Variants in ARHGEF10L observed in about 807,000 individuals in gnomAD.
ARHGEF10L encodes the protein rho guanine nucleotide exchange factor 10-like protein.
Under a neutral mutation model 141.2 loss-of-function variants are expected in ARHGEF10L, and 69 were observed. The observed-to-expected ratio is 0.49, with a 90% CI of 0.40 to 0.60. ARHGEF10L has a LOEUF of 0.60. ARHGEF10L is among the 20% of genes least tolerant of loss of function. The probability of loss-of-function intolerance (pLI) is 0.00; values close to 1 mark genes in which losing one functional copy is unlikely to be tolerated. For synonymous variants in ARHGEF10L, 711 were observed against 718.5 expected, an observed-to-expected ratio of 0.99 and a Z score of 0.17; for missense variants, 1,482 against 1,734.3, an observed-to-expected ratio of 0.85 and a Z score of 2.58.
At chr1:17,566,670 A>G (rs1336063258) in intron 1 of ARHGEF10L, among the ~76,000 whole-genome samples, 1 of 152,192 alleles carries the variant, frequency 6.6e-6, no homozygotes, top group African/African-American at 2.4e-5. Flanking sequence ...GGCCACATGG[A>G]GTATGCAGGG....
chr1:17,667,075 C>CT (rs1418095374), intron 26 of ARHGEF10L, among the ~76,000 whole-genome samples: 1 of 152,230 alleles, frequency 6.6e-6, no homozygotes, highest in Admixed American at 6.5e-5. Context: ...TCTGACTGCT[C>CT]TGCAAGCGGT....
chr1:17,529,301 C>A, the ARHGEF10L span, among the ~76,000 whole-genome samples: 1 of 152,192 alleles, frequency 6.6e-6, no homozygotes, highest in Non-Finnish European at 1.5e-5. Context: ...CCACATCCGG[C>A]CAATTAAGAT....
intron 1 of ARHGEF10L, among the ~76,000 whole-genome samples, chr1:17,554,432 A>G (rs1039792842): frequency 6.6e-6 from 1 of 151,832 alleles, no homozygotes; most frequent in Non-Finnish European, 1.5e-5. Context: ...GTTTTCAGGG[A>G]TCATCTAGTC....
In ARHGEF10L at chr1:17,621,903, G is replaced by A. The variant is rs371515222; in HGVS notation, c.982G>A (p.Glu328Lys). 3 of 1,614,076 alleles carry A rather than the reference G, an allele frequency of 1.9e-6. No homozygotes were observed. Among genetic ancestry groups the A allele is most frequent in the African/African-American group, 1.3e-5 (1 of 74,922 alleles). Residue 328 changes from glutamate (E) to lysine (K), a missense_variant, in exon 11 of 29, where the codon GAA becomes AAA. By Grantham distance (56) the Glu-to-Lys change is moderately conservative. Around this residue, in one of 3 missense-constraint regions of ARHGEF10L, gnomAD observed 392 missense variants for 542.1 expected, o/e 0.72. Transcript: ENST00000361221. The surrounding 1 kb of genome is among the most constrained non-coding windows in gnomAD (Gnocchi z 4.1). ...TATCCTGGGCTCCATCGTGCAGAGC[G>A]AAGGCAGCTACGTGGAGTCTCTGAA... ...RHILGSIVQS[E>K]GSYVESLKRI...
intron 26 of ARHGEF10L, among the ~76,000 whole-genome samples, chr1:17,670,146 G>A (rs2063229223): frequency 6.6e-6 from 1 of 152,280 alleles, no homozygotes; most frequent in Admixed American, 6.5e-5. Flanking sequence ...GGCCTCCAAG[G>A]GTGGGGCGCC....
upstream of ARHGEF10L, among the ~76,000 whole-genome samples, chr1:17,536,784 T>C (rs953130127): frequency 2.0e-5 from 3 of 152,168 alleles, no homozygotes; most frequent in Non-Finnish European, 4.4e-5. Flanking sequence ...CCACCACTCC[T>C]GGGGCCCTGC....
intron 2 of ARHGEF10L, among the ~76,000 whole-genome samples, chr1:17,582,852 TC>T (rs1382593311): frequency 6.6e-6 from 1 of 152,058 alleles, no homozygotes; most frequent in African/African-American, 2.4e-5. Flanking sequence ...GTCTTACCTT[TC>T]CTTCCCCCTC....
upstream of ARHGEF10L, among the ~76,000 whole-genome samples, chr1:17,537,854 C>CAAAAAAA (rs10611023): frequency 4.3e-4 from 34 of 79,814 alleles, no homozygotes; most frequent in African/African-American, 6.5e-4. Context: ...ACCATCTCTA[C>CAAAAAAA]AAAAAAAAAA....
the ARHGEF10L span, among the ~76,000 whole-genome samples, chr1:17,520,065 C>T: frequency 6.6e-6 from 1 of 152,138 alleles, no homozygotes; most frequent in Non-Finnish European, 1.5e-5. Flanking sequence ...GTGGTCGGAG[C>T]TCAGCCCTAC....
At chr1:17,522,626 C>A in the ARHGEF10L span, among the ~76,000 whole-genome samples, 1 of 151,950 alleles carries the variant, frequency 6.6e-6, no homozygotes, top group African/African-American at 2.4e-5. Context: ...GCTTTTGGCC[C>A]CTAAATTAGA....
chr1:17,603,920 A>C lies in ARHGEF10L; in HGVS notation c.433+329A>C, dbSNP rs1337025515. ...TTCTGGGGCTGTTGGGGAAGACGACAGACTGTTACACTCAAAGGGTGAAGC... is the reference window on the plus strand; with the variant it reads ...TTCTGGGGCTGTTGGGGAAGACGACCGACTGTTACACTCAAAGGGTGAAGC... On this transcript the variant is annotated intron_variant, in intron 6 of 28. Coordinates refer to ENST00000361221, the MANE Select transcript of ARHGEF10L (RefSeq NM_018125.4). This position sits in a 1 kb window ranked among gnomAD's most constrained non-coding sequence, Gnocchi z 4.8. Among the ~76,000 whole-genome samples the C allele has an allele frequency of 1.3e-5, 2 of 152,186 alleles. No individual in the cohort carries two copies. Among genetic ancestry groups the C allele is most frequent in the African/African-American group, 2.4e-5 (1 of 41,446 alleles).
intron 21 of ARHGEF10L, among the ~76,000 whole-genome samples, chr1:17,642,231 C>T (rs2101854633): frequency 6.6e-6 from 1 of 152,224 alleles, no homozygotes; most frequent in South Asian, 2.1e-4. Context: ...GGGCTGCCAT[C>T]TGGGGGACCC....
chr1:17,563,493 C>T (rs890169649), intron 1 of ARHGEF10L, among the ~76,000 whole-genome samples: 1 of 152,134 alleles, frequency 6.6e-6, no homozygotes, highest in Non-Finnish European at 1.5e-5. Context: ...TCTCGGCCTC[C>T]CAAAGTGCTG....
rs1289476503 is a variant in ARHGEF10L, at chr1:17,639,505, C to T, written c.2172-697C>T. 6.6e-6 allele frequency among the ~76,000 whole-genome samples: 1 copy of T among 151,740 alleles called. No homozygotes were observed. The highest frequency in any genetic ancestry group is 1.5e-5 in the Non-Finnish European group (1 of 67,898). ...GGGGACCATGTGTAGGAGTCAGCAG[C>T]TTTGAATCTGCCGCCTCCCTGTTGA... is the stretch of plus-strand genomic sequence containing the variant. On this transcript the variant is annotated intron_variant, in intron 20 of 28. Transcript: ENST00000361221. This position sits in a 1 kb window ranked among gnomAD's most constrained non-coding sequence, Gnocchi z 4.3.
At chr1:17,692,492 G>C (rs1053060186) in intron 27 of ARHGEF10L, among the ~76,000 whole-genome samples, 1 of 152,124 alleles carries the variant, frequency 6.6e-6, no homozygotes, top group African/African-American at 2.4e-5. Context: ...AGGCAGAGGA[G>C]CCTCAGTGCT....
At chr1:17,613,214 G>T (rs745383584) in intron 8 of ARHGEF10L, 40 bp downstream of exon 8, 2 of 1,523,148 alleles carry the variant, frequency 1.3e-6, no homozygotes, top group African/African-American at 2.7e-5. Flanking sequence ...GATGGGGGCT[G>T]TTTCCAGCTG....
rs894118619 is a variant in ARHGEF10L at position 17,544,766 on chromosome 1, G to A, written c.-44+4816G>A. Among the ~76,000 whole-genome samples, 31 of 152,172 alleles carry A rather than the reference G, an allele frequency of 2.0e-4. 1 individual carries two copies. The highest frequency in any genetic ancestry group is 7.5e-4 in the African/African-American group (31 of 41,504). On this transcript the variant is annotated intron_variant, in intron 1 of 28. Transcript: ENST00000361221. Reference sequence around the variant, plus strand: ...CATACTGCTATGAAGAAATACCTGAGACTAGGTAATTTGTAAAGAAAAAGA... The same window carrying A: ...CATACTGCTATGAAGAAATACCTGAAACTAGGTAATTTGTAAAGAAAAAGA...
chr1:17,640,248 C>G lies in ARHGEF10L; in HGVS notation c.2218C>G (p.Pro740Ala). 1 of 1,613,410 alleles carries G rather than the reference C, an allele frequency of 6.2e-7. No homozygotes were observed. The highest frequency in any genetic ancestry group is 8.5e-7 in the Non-Finnish European group (1 of 1,179,792). The change falls in exon 21 of 29, where the codon CCC becomes GCC. Residue 740 changes from proline (P) to alanine (A), a missense_variant. By Grantham distance (27) the Pro-to-Ala change is conservative. This residue lies in a region of ARHGEF10L where 858 missense variants were observed against 966.3 expected (regional missense o/e 0.89). Transcript: ENST00000361221. ...CATGGTGGTTTTCATCACCCCCAAC[C>G]CCCTGAGCAAGATTTCCTGGGTCAA... is the stretch of plus-strand genomic sequence containing the variant. The part of the protein sequence containing the change: ...SFMVVFITPN[P>A]LSKISWVNRL...
upstream of ARHGEF10L, among the ~76,000 whole-genome samples, chr1:17,534,950 C>T (rs1291191160): frequency 2.6e-5 from 4 of 151,794 alleles, no homozygotes; most frequent in East Asian, 1.9e-4. Flanking sequence ...GAACTGGTTT[C>T]GGGGATGTGG....
Sources: gnomAD v4.1 joint callset for allele counts (sites outside exome capture counted in the v4.1 genomes callset) on GRCh38, gnomAD v4.1.1 for gene constraint, gnomAD v4.1.1 regional missense constraint, Gnocchi (gnomAD v3.1) non-coding constraint, MANE v1.5 for transcripts, NCBI Gene and HGNC (gene_info 2026-07-23, HGNC 2026-07-21) for gene names.